The following IQCH variants were observed in gnomAD, a reference collection of about 807,000 sequenced individuals.
IQCH encodes the protein IQ motif containing H.
IQCH carries 98 observed loss-of-function variants against 117.0 expected under a neutral mutation model. The observed-to-expected ratio is 0.84, with a 90% CI of 0.71 to 0.99. IQCH has a LOEUF of 0.99. Among genes scored for constraint, IQCH ranks in the 50% least tolerant of loss-of-function variants. IQCH has a pLI of 0.00. For missense variants in IQCH, 1,102 were observed against 1,243.8 expected (o/e 0.89, Z 1.72); for synonymous variants, 412 against 448.2 (o/e 0.92, Z 1.02).
At chr15:67,409,529 C>T (rs1298550713) in intron 14 of IQCH, among the ~76,000 whole-genome samples, 1 of 152,186 alleles carries the variant, frequency 6.6e-6, no homozygotes, top group African/African-American at 2.4e-5. Flanking sequence ...AAATCAACTG[C>T]TAGGCCTGCA....
At chr15:67,290,270 A>G (rs1966706920) in intron 4 of IQCH, among the ~76,000 whole-genome samples, 1 of 152,054 alleles carries the variant, frequency 6.6e-6, no homozygotes, top group Non-Finnish European at 1.5e-5. Flanking sequence ...AGCTTTGAAA[A>G]TCCTAGAGTC....
intron 4 of IQCH, among the ~76,000 whole-genome samples, chr15:67,295,626 CT>C (rs1966847974): frequency 6.6e-6 from 1 of 152,174 alleles, no homozygotes; most frequent in Non-Finnish European, 1.5e-5. Flanking sequence ...CCTGAACAAC[CT>C]ACCTCTGGAC....
intron 4 of IQCH, among the ~76,000 whole-genome samples, chr15:67,315,354 C>A (rs1482062639): frequency 6.6e-6 from 1 of 152,114 alleles, no homozygotes; most frequent in African/African-American, 2.4e-5. Flanking sequence ...ATATGTGAAG[C>A]TACATTTGCC....
intron 14 of IQCH, among the ~76,000 whole-genome samples, chr15:67,415,874 G>C (rs748557821): frequency 2.0e-5 from 3 of 152,022 alleles, no homozygotes; most frequent in Non-Finnish European, 4.4e-5. Context: ...AAAATCTGAA[G>C]AATAAAATCA....
At chr15:67,273,661 A>T (rs1027716635) in intron 3 of IQCH, among the ~76,000 whole-genome samples, 1 of 152,222 alleles carries the variant, frequency 6.6e-6, no homozygotes, top group African/African-American at 2.4e-5. Context: ...TGTTTTTAAT[A>T]GATTTATATT....
intron 14 of IQCH, among the ~76,000 whole-genome samples, 172 bp downstream of exon 14, chr15:67,400,477 G>A (rs1971610613): frequency 2.9e-5 from 1 of 34,724 alleles, no homozygotes. Flanking sequence ...GGGATTGACT[G>A]AGTTCTTTTT....
intron 14 of IQCH, among the ~76,000 whole-genome samples, chr15:67,409,480 A>T (rs185563011): frequency 8.5e-5 from 13 of 152,328 alleles, no homozygotes; most frequent in African/African-American, 2.6e-4. Context: ...ATGGAGGCAC[A>T]ACATATGTGC....
intron 6 of IQCH, among the ~76,000 whole-genome samples, chr15:67,348,804 T>C (rs961769449): frequency 1.3e-5 from 2 of 152,162 alleles, no homozygotes; most frequent in African/African-American, 4.8e-5. Flanking sequence ...CTACAATAGC[T>C]AGTACAATTG....
chr15:67,440,837 C>T (rs889519990), intron 16 of IQCH, among the ~76,000 whole-genome samples: 1 of 151,996 alleles, frequency 6.6e-6, no homozygotes, highest in Non-Finnish European at 1.5e-5. Context: ...CACCACTCCT[C>T]TTTAACAGTA....
intron 4 of IQCH, among the ~76,000 whole-genome samples, chr15:67,287,115 A>G (rs1966593243): frequency 6.6e-6 from 1 of 152,172 alleles, no homozygotes; most frequent in South Asian, 2.1e-4. Flanking sequence ...CATTTCTGGG[A>G]TAAATCCCAC....
intron 1 of IQCH, among the ~76,000 whole-genome samples, chr15:67,258,248 G>A (rs1965308440): frequency 1.3e-5 from 2 of 148,782 alleles, no homozygotes. Flanking sequence ...AAAAAAAAAA[G>A]GCCAAGCGCG....
Position 67,369,511 on chromosome 15 carries a change from AAG to A in IQCH, c.754-2595_754-2594del, listed in dbSNP as rs1970450118. 2.5e-5 allele frequency among the ~76,000 whole-genome samples: 3 copies of A among 121,328 alleles called. No individual in the cohort carries two copies. In the South Asian group the frequency reaches 7.6e-4, roughly 31 times the overall value. The allele number at this position is 121,328 out of a possible 152,430, so 79.6% of individuals were successfully genotyped here. A position where few individuals can be genotyped will look rare whatever the true frequency, so the allele number is the denominator to read the frequency against. On this transcript the variant is annotated intron_variant, in intron 8 of 20. Coordinates refer to ENST00000335894, the MANE Select transcript of IQCH (RefSeq NM_001031715.3). This position sits in a 1 kb window ranked among gnomAD's most constrained non-coding sequence, Gnocchi z 5.2. ...GAAGAGAAAAAGAAAAAAGAGAAAG[AAG>A]AGAGGGAAGGGGAAAGAAGGGAAGG...
At chr15:67,323,515 T>C (rs1968246403) in intron 4 of IQCH, among the ~76,000 whole-genome samples, 1 of 152,202 alleles carries the variant, frequency 6.6e-6, no homozygotes, top group African/African-American at 2.4e-5. Flanking sequence ...GTGCTGGGAT[T>C]ACAGGTGTGA....
In IQCH at chr15:67,490,023, T is replaced by TA; in HGVS notation, c.2821dup (p.Ile941AsnfsTer4). On this transcript the variant is annotated frameshift_variant, in exon 19 of 21. Transcript: ENST00000335894. LOFTEE classifies it high-confidence loss of function. The surrounding 1 kb of genome is among the most constrained non-coding windows in gnomAD (Gnocchi z 4.9). ...TACAGGAAAGGCAAGGAACTGTTTTTATATTATATGAGCACCTGAAGAGAC... is the reference window on the plus strand; with the variant it reads ...TACAGGAAAGGCAAGGAACTGTTTTTAATATTATATGAGCACCTGAAGAGAC... The TA allele has an allele frequency of 6.2e-7, 1 of 1,611,510 alleles. No individual in the cohort carries two copies. Among genetic ancestry groups the TA allele is most frequent in the Non-Finnish European group, 8.5e-7 (1 of 1,177,742 alleles).
intron 4 of IQCH, among the ~76,000 whole-genome samples, chr15:67,328,131 T>A (rs1968495033): frequency 6.8e-6 from 1 of 146,380 alleles, no homozygotes. Context: ...GTTGGAGTTT[T>A]GTGGGGGTTT....
Position 67,279,378 on chromosome 15 carries a change from C to A in IQCH, c.270-17C>A. On this transcript the variant is annotated splice_polypyrimidine_tract_variant and intron_variant, in intron 3 of 20. Coordinates refer to ENST00000335894, the MANE Select transcript of IQCH (RefSeq NM_001031715.3). ...AAATAGCAAATTTGATTTTAAATTC[C>A]ATTTCTTCTTACTTAGGTTACTTCC... The A allele has an allele frequency of 2.3e-6, 3 of 1,318,618 alleles. No individual in the cohort carries two copies. The highest frequency in any genetic ancestry group is 1.3e-5 in the South Asian group (1 of 79,726). 81.7% of individuals were successfully genotyped at this position (1,318,618 alleles called of 1,614,324 possible). A position where few individuals can be genotyped will look rare whatever the true frequency, so the allele number is the denominator to read the frequency against.
At chr15:67,439,599 C>T (rs1372416860) in intron 16 of IQCH, among the ~76,000 whole-genome samples, 1 of 151,946 alleles carries the variant, frequency 6.6e-6, no homozygotes, top group East Asian at 1.9e-4. Flanking sequence ...AAAATACAAA[C>T]AATAGGCCAG....
At position 67,468,184 on chromosome 15, in the gene IQCH, C is replaced by T. The variant is rs148903970; in HGVS notation, c.2676+2887C>T. Among the ~76,000 whole-genome samples, 619 of 152,328 alleles carry T rather than the reference C, an allele frequency of 4.1e-3. 4 individuals are homozygous for T. Among genetic ancestry groups the T allele is most frequent in the African/African-American group, 0.013 (527 of 41,582 alleles). On this transcript the variant is annotated intron_variant, in intron 17 of 20. Coordinates refer to ENST00000335894, the MANE Select transcript of IQCH (RefSeq NM_001031715.3). The stretch of plus-strand genomic sequence containing the variant: ...TTTCTGTCAGTTTTTCACTCTTCCT[C>T]GCTCTTTCTGGACCCTCCATACCAT...
intron 3 of IQCH, among the ~76,000 whole-genome samples, chr15:67,264,841 T>G (rs1158078698): frequency 6.6e-6 from 1 of 151,826 alleles, no homozygotes; most frequent in Non-Finnish European, 1.5e-5. Flanking sequence ...TCACTCGCTC[T>G]CTCTCTCTCT....
Sources: allele counts gnomAD v4.1 joint callset (sites outside exome capture counted in the v4.1 genomes callset), GRCh38; gene constraint gnomAD v4.1.1; non-coding constraint Gnocchi (gnomAD v3.1); transcripts MANE v1.5; gene names NCBI Gene and HGNC (gene_info 2026-07-23, HGNC 2026-07-21).